The following CTNND2 variants were observed in gnomAD, a reference collection of about 807,000 sequenced individuals.
CTNND2 encodes the protein catenin delta-2.
CTNND2 carries 22 observed loss-of-function variants against 144.4 expected under a neutral mutation model. That is an observed-to-expected ratio of 0.15 (90% confidence interval 0.11 to 0.22). CTNND2 has a LOEUF of 0.22. CTNND2 is among the 10% of genes least tolerant of loss of function. The probability of loss-of-function intolerance (pLI) is 1.00; values close to 1 mark genes in which losing one functional copy is unlikely to be tolerated. For synonymous variants in CTNND2, 751 were observed against 695.6 expected (o/e 1.08, Z -1.25); for missense variants, 1,353 against 1,618.8 (o/e 0.84, Z 2.82).
intron 2 of CTNND2, among the ~76,000 whole-genome samples, chr5:11,594,241 C>CT (rs1779397830): frequency 6.6e-6 from 1 of 152,172 alleles, no homozygotes; most frequent in African/African-American, 2.4e-5. Flanking sequence ...ACCAGGCACA[C>CT]TATTATGACT....
chr5:11,767,846 T>C (rs1177189068), intron 1 of CTNND2, among the ~76,000 whole-genome samples: 3 of 152,212 alleles, frequency 2.0e-5, no homozygotes, highest in South Asian at 2.1e-4. Context: ...GCTAGACCAT[T>C]GTACATTATT....
chr5:11,312,727 C>T (rs1751123823), intron 9 of CTNND2, among the ~76,000 whole-genome samples: 1 of 27,404 alleles, frequency 3.6e-5, no homozygotes, highest in African/African-American at 7.2e-5. Flanking sequence ...CAGCCTTAAA[C>T]ATTCACACCC....
intron 9 of CTNND2, among the ~76,000 whole-genome samples, chr5:11,253,145 C>G (rs1393916068): frequency 6.6e-6 from 1 of 152,168 alleles, no homozygotes; most frequent in African/African-American, 2.4e-5. Context: ...CATCAGTGCT[C>G]TCAACCAGTT....
chr5:11,687,752 G>A (rs1020503223), intron 2 of CTNND2, among the ~76,000 whole-genome samples: 1 of 152,172 alleles, frequency 6.6e-6, no homozygotes, highest in African/African-American at 2.4e-5. Context: ...GACAGACACT[G>A]ACAAGTATAA....
At chr5:11,401,104 C>G (rs1485946776) in intron 5 of CTNND2, among the ~76,000 whole-genome samples, 1 of 152,142 alleles carries the variant, frequency 6.6e-6, no homozygotes, top group Non-Finnish European at 1.5e-5. Flanking sequence ...ATTCGTGGGA[C>G]AAAATCAATC....
intron 1 of CTNND2, among the ~76,000 whole-genome samples, chr5:11,819,460 G>T (rs759517302): frequency 6.6e-6 from 1 of 151,956 alleles, no homozygotes; most frequent in Non-Finnish European, 1.5e-5. Flanking sequence ...CAGACAGACA[G>T]ACCTCTTTTT....
intron 16 of CTNND2, among the ~76,000 whole-genome samples, chr5:11,035,457 T>G (rs1743964887): frequency 6.6e-6 from 1 of 152,220 alleles, no homozygotes; most frequent in Non-Finnish European, 1.5e-5. Flanking sequence ...TTTCCACTTT[T>G]AAGGACCTTT....
chr5:11,680,834 A>G (rs1444540041), intron 2 of CTNND2, among the ~76,000 whole-genome samples: 1 of 152,174 alleles, frequency 6.6e-6, no homozygotes, highest in Non-Finnish European at 1.5e-5. Context: ...GGGAGCAAGG[A>G]AAGGGAAAGG....
intron 1 of CTNND2, among the ~76,000 whole-genome samples, chr5:11,858,980 C>T (rs952879639): frequency 6.6e-6 from 1 of 152,208 alleles, no homozygotes; most frequent in Non-Finnish European, 1.5e-5. Context: ...TAATATGTCA[C>T]AAACTTATAT....
intron 1 of CTNND2, among the ~76,000 whole-genome samples, chr5:11,735,591 G>T (rs950849232): frequency 1.3e-5 from 2 of 152,148 alleles, no homozygotes; most frequent in Non-Finnish European, 2.9e-5. Context: ...TAATCCCCAC[G>T]TGTAGTGAGA....
intron 9 of CTNND2, among the ~76,000 whole-genome samples, chr5:11,248,908 G>GAAC (rs1393946621): frequency 6.6e-6 from 1 of 152,202 alleles, no homozygotes; most frequent in Non-Finnish European, 1.5e-5. Context: ...CCTTATCTTA[G>GAAC]TTCTTCGAAG....
intron 1 of CTNND2, among the ~76,000 whole-genome samples, chr5:11,881,153 T>C (rs991786971): frequency 4.0e-5 from 6 of 151,820 alleles, no homozygotes; most frequent in African/African-American, 1.5e-4. Flanking sequence ...CTTGATTTTT[T>C]CATTTAATTT....
intron 9 of CTNND2, among the ~76,000 whole-genome samples, chr5:11,254,401 G>A (rs1743994974): frequency 7.0e-6 from 1 of 143,644 alleles, no homozygotes; most frequent in Non-Finnish European, 1.6e-5. Context: ...AATGTGTCTG[G>A]GCACAAAAGA....
At chr5:11,088,735 T>A (rs1750440476) in intron 15 of CTNND2, among the ~76,000 whole-genome samples, 1 of 151,460 alleles carries the variant, frequency 6.6e-6, no homozygotes, top group South Asian at 2.1e-4. Flanking sequence ...GCTGAAGTCT[T>A]AGGTAGTAAG....
chr5:11,124,007 C>T (rs144394569), intron 12 of CTNND2, among the ~76,000 whole-genome samples: 1 of 152,328 alleles, frequency 6.6e-6, no homozygotes, highest in African/African-American at 2.4e-5. Context: ...TAACACTAAA[C>T]TTGTGAGGGG....
intron 1 of CTNND2, among the ~76,000 whole-genome samples, chr5:11,887,844 T>A (rs1259276817): frequency 6.6e-6 from 1 of 152,198 alleles, no homozygotes; most frequent in Non-Finnish European, 1.5e-5. Context: ...TGGTCAGGCA[T>A]TCTGCAGAAT....
intron 3 of CTNND2, among the ~76,000 whole-genome samples, chr5:11,461,303 T>C (rs1190674989): frequency 2.0e-5 from 3 of 152,080 alleles, no homozygotes; most frequent in Non-Finnish European, 4.4e-5. Flanking sequence ...TGGAAATGCA[T>C]GCAGAATGCC....
chr5:11,560,904 G>A (rs1776631371), intron 3 of CTNND2, among the ~76,000 whole-genome samples: 1 of 152,192 alleles, frequency 6.6e-6, no homozygotes, highest in South Asian at 2.1e-4. Context: ...TCTAACTCAC[G>A]CCGTGTAGAG....
chr5:11,780,127 G>A (rs1790464607), intron 1 of CTNND2, among the ~76,000 whole-genome samples: 1 of 152,164 alleles, frequency 6.6e-6, no homozygotes. Context: ...GCAGACAGTA[G>A]TACATTGAAG....
Sources: allele counts gnomAD v4.1 joint callset (sites outside exome capture counted in the v4.1 genomes callset), GRCh38; gene constraint gnomAD v4.1.1; transcripts MANE v1.5; gene names NCBI Gene and HGNC (gene_info 2026-07-23, HGNC 2026-07-21).